DUSP11: variants seen among roughly 807,000 people sequenced by gnomAD.
DUSP11 encodes the protein RNA/RNP complex-1-interacting phosphatase.
Under a neutral mutation model 41.4 loss-of-function variants are expected in DUSP11, and 27 were observed. The observed-to-expected ratio is 0.65, with a 90% CI of 0.48 to 0.90. DUSP11 has a LOEUF of 0.90. Among genes scored for constraint, DUSP11 ranks in the 40% least tolerant of loss-of-function variants. DUSP11 has a pLI of 0.00. For missense variants in DUSP11, 465 were observed against 461.1 expected, an observed-to-expected ratio of 1.01 and a Z score of -0.08; for synonymous variants, 188 against 159.3, an observed-to-expected ratio of 1.18 and a Z score of -1.35.
rs963299927 is a variant in DUSP11 at position 73,776,276 on chromosome 2, G to A, written c.319-1232C>T. On this transcript the variant is annotated intron_variant, in intron 2 of 8. Coordinates refer to ENST00000272444, the Ensembl canonical transcript of DUSP11. The stretch of plus-strand genomic sequence containing the variant: ...AAAAACACAAAAAAATTAGCCAGGC[G>A]TGGTGGCAGGCGCCGGTAGTTCCAG... Among the ~76,000 whole-genome samples the A allele has an allele frequency of 2.2e-4, 34 of 151,942 alleles. 1 individual carries two copies. Among genetic ancestry groups the A allele is most frequent in the Admixed American group, 5.2e-4 (8 of 15,242 alleles).
intron 1 of DUSP11, among the ~76,000 whole-genome samples, chr2:73,778,932 G>A (rs1025129335): frequency 6.6e-6 from 1 of 152,092 alleles, no homozygotes; most frequent in South Asian, 2.1e-4. Context: ...TGGATCACCT[G>A]AGGTCAGGAG....
At chr2:73,777,907 T>G (rs1672714482) in intron 2 of DUSP11, among the ~76,000 whole-genome samples, 1 of 152,174 alleles carries the variant, frequency 6.6e-6, no homozygotes, top group Admixed American at 6.5e-5. Context: ...TTTGTTATAT[T>G]TGGAAATCTA....
rs1573177700 is a variant in DUSP11, at chr2:73,766,906, G to A, written c.683-3C>T. On this transcript the variant is annotated splice_polypyrimidine_tract_variant and splice_region_variant and intron_variant, in intron 6 of 8. Transcript: ENST00000272444. ...ATGTCCCCGGCACCTATTGAATACT[G>A]AGGAGAGGATAAACTGTTAGAAATA... is the stretch of plus-strand genomic sequence containing the variant. 1 of 1,610,162 alleles carries A rather than the reference G, an allele frequency of 6.2e-7. No individual in the cohort carries two copies. Among genetic ancestry groups the A allele is most frequent in the Admixed American group, 1.7e-5 (1 of 59,890 alleles).
chr2:73,776,342 G>A (rs1428817375), intron 2 of DUSP11, among the ~76,000 whole-genome samples: 2 of 150,474 alleles, frequency 1.3e-5, no homozygotes, highest in East Asian at 3.9e-4. Flanking sequence ...GTGAACCCAG[G>A]AGGCAGAGCT....
chr2:73,773,805 T>A, exon 4 of DUSP11: 1 of 1,605,598 alleles, frequency 6.2e-7, no homozygotes, highest in Non-Finnish European at 8.5e-7. Context: ...CTCACCATTA[T>A]CTTTATTTTC....
intron 2 of DUSP11, among the ~76,000 whole-genome samples, chr2:73,777,329 G>C (rs1036646170): frequency 2.6e-5 from 4 of 152,148 alleles, no homozygotes; most frequent in Admixed American, 2.0e-4. Context: ...CACAGCAGTT[G>C]AAAAAGGAAA....
At chr2:73,763,855 A>G (rs1169547303) in intron 8 of DUSP11, among the ~76,000 whole-genome samples, 1 of 152,180 alleles carries the variant, frequency 6.6e-6, no homozygotes, top group African/African-American at 2.4e-5. Flanking sequence ...TCTTTTTCTG[A>G]CTGTTGAATC....
At chr2:73,780,075 C>A (rs1344879738) in exon 1 of DUSP11, 1 of 1,591,654 alleles carries the variant, frequency 6.3e-7, no homozygotes, top group Non-Finnish European at 8.6e-7. Flanking sequence ...AAAGACTCGG[C>A]AGCCACCTAC....
chr2:73,768,346 T>C (rs780154052), intron 5 of DUSP11: 3 of 519,972 alleles, frequency 5.8e-6, no homozygotes, highest in Non-Finnish European at 7.4e-6. Flanking sequence ...CTCCCTAGAC[T>C]GTTAGGACGC....
rs765180107 is a variant in DUSP11, at chr2:73,778,388, A to G, written c.243-12T>C. The G allele has an allele frequency of 6.8e-7, 1 of 1,475,196 alleles. No individual in the cohort carries two copies. The highest frequency in any genetic ancestry group is 1.4e-5 in the South Asian group (1 of 72,532). 91.4% of individuals were successfully genotyped at this position (1,475,196 alleles called of 1,614,324 possible). ...GATAGTCTTTCCACCTATTAGATAT[A>G]TTTTTTGTTAGCCAAATTGTATGTT... On this transcript the variant is annotated splice_polypyrimidine_tract_variant and intron_variant, in intron 1 of 8. Coordinates refer to ENST00000272444, the Ensembl canonical transcript of DUSP11.
At position 73,776,747 on chromosome 2, in the gene DUSP11, TTTGA is replaced by T. The variant is rs542495627; in HGVS notation, c.318+1550_318+1553del. Among the ~76,000 whole-genome samples the T allele has an allele frequency of 7.9e-3, 1,202 of 152,330 alleles. 6 individuals carry two copies. Among genetic ancestry groups the T allele is most frequent in the Middle Eastern group, 0.02 (6 of 294 alleles). ...TTTGATTCTTCCTTTTCTGAGCCTG[TTTGA>T]TTATCTACAAAATTATTTATTAGAT... is the stretch of plus-strand genomic sequence containing the variant. On this transcript the variant is annotated intron_variant, in intron 2 of 8. Coordinates refer to ENST00000272444, the Ensembl canonical transcript of DUSP11.
chr2:73,778,902 A>T (rs1672736269), intron 1 of DUSP11, among the ~76,000 whole-genome samples: 1 of 152,048 alleles, frequency 6.6e-6, no homozygotes, highest in South Asian at 2.1e-4. Context: ...AATCCCGGCA[A>T]TTTGGGAGGC....
At position 73,777,129 on chromosome 2, in the gene DUSP11, C is replaced by T. The variant is rs552701716; in HGVS notation, c.318+1172G>A. ...CTGAGCAGCTGAGACTACAAGCACACGCCACCGCGCCTGGTTAATTTTTGT... is the reference window on the plus strand; with the variant it reads ...CTGAGCAGCTGAGACTACAAGCACATGCCACCGCGCCTGGTTAATTTTTGT... On this transcript the variant is annotated intron_variant, in intron 2 of 8. Coordinates refer to ENST00000272444, the Ensembl canonical transcript of DUSP11. Among the ~76,000 whole-genome samples the T allele has an allele frequency of 5.9e-5, 9 of 152,194 alleles. No individual in the cohort carries two copies. The East Asian group carries it at 1.4e-3, about 23-fold the overall frequency.
intron 4 of DUSP11, chr2:73,773,522 T>A: frequency 2.7e-6 from 1 of 372,136 alleles, no homozygotes; most frequent in African/African-American, 2.2e-5. Context: ...AAGACAAAAA[T>A]AACATTTTAA....
Position 73,766,264 on chromosome 2 carries a change from G to A in DUSP11, c.935+154C>T, listed in dbSNP as rs139622148. Among the ~76,000 whole-genome samples the A allele has an allele frequency of 2.2e-3, 332 of 150,984 alleles. 4 individuals carry two copies. Among genetic ancestry groups the A allele is most frequent in the African/African-American group, 7.7e-3 (316 of 41,028 alleles). On this transcript the variant is annotated intron_variant, in intron 8 of 8. Coordinates refer to ENST00000272444, the Ensembl canonical transcript of DUSP11. ...GTGGAGGTTGCAGTGAGCCGAGATC[G>A]CGCCATTGTACTCCAGCCTGGATGA...
chr2:73,779,741 A>C (rs1185764125), intron 1 of DUSP11, 133 bp downstream of exon 1: 3 of 1,406,490 alleles, frequency 2.1e-6, no homozygotes, highest in Non-Finnish European at 2.9e-6. Flanking sequence ...GCAGAGGGTC[A>C]AAGCCTCAAA....
intron 3 of DUSP11, 44 bp downstream of exon 3, chr2:73,774,869 G>A: frequency 4.1e-6 from 6 of 1,452,536 alleles, no homozygotes; most frequent in Non-Finnish European, 5.5e-6. Flanking sequence ...ATTATTTTAG[G>A]ATCAGAAGGA....
chr2:73,774,070 A>G (rs1292623510), intron 3 of DUSP11, 147 bp from the exon 4 acceptor site: 2 of 561,044 alleles, frequency 3.6e-6, no homozygotes, highest in African/African-American at 3.8e-5. Context: ...TAAAAGAGCC[A>G]TTTTTTCCAA....
At position 73,769,252 on chromosome 2, in the gene DUSP11, G is replaced by T; in HGVS notation, c.635+13C>A. 6.2e-7 allele frequency: 1 copy of T among 1,610,164 alleles called. No homozygotes were observed. The highest frequency in any genetic ancestry group is 8.5e-7 in the Non-Finnish European group (1 of 1,176,692). On this transcript the variant is annotated intron_variant, in intron 5 of 8. Transcript: ENST00000272444. ...CAATTTAAAATGGTCTGCCTCTGGGGTTGGCAACTTACCTGCAAATGAGGT... is the reference window on the plus strand; with the variant it reads ...CAATTTAAAATGGTCTGCCTCTGGGTTTGGCAACTTACCTGCAAATGAGGT...
Sources: gnomAD v4.1 joint callset for allele counts (sites outside exome capture counted in the v4.1 genomes callset) on GRCh38, gnomAD v4.1.1 for gene constraint, MANE v1.5 for transcripts, NCBI Gene and HGNC (gene_info 2026-07-23, HGNC 2026-07-21) for gene names.